Variants in BTRC observed in about 807,000 individuals in gnomAD.
The protein encoded by BTRC is beta-transducin repeat containing E3 ubiquitin protein ligase.
BTRC carries 42 observed loss-of-function variants against 85.5 expected under a neutral mutation model. The observed-to-expected ratio is 0.49, with a 90% CI of 0.38 to 0.64. The LOEUF (loss-of-function observed/expected upper bound fraction) is 0.64. Ranked by LOEUF, BTRC falls within the 30% of genes least tolerant of loss-of-function variation. BTRC has a pLI of 0.00. For synonymous variants in BTRC, 255 were observed against 263.3 expected (o/e 0.97, Z 0.30); for missense variants, 594 against 743.5 (o/e 0.80, Z 2.34).
At chr10:101,366,983 T>TA (rs1942457427) in intron 1 of BTRC, among the ~76,000 whole-genome samples, 2 of 70,960 alleles carry the variant, frequency 2.8e-5, no homozygotes, top group Non-Finnish European at 5.3e-5. Flanking sequence ...TATTTATATA[T>TA]TTATATATAT....
chr10:101,556,828 T>C lies in BTRC; in HGVS notation c.*3705T>C, dbSNP rs1183316052. ...CTGGAGGCAGATGACATCTAAAATA[T>C]GTGCTTTCCAACCAGCACAGCTGGC... On this transcript the variant is annotated 3_prime_UTR_variant, in exon 15 of 15. Transcript: ENST00000370187. 4 of 152,268 alleles carry C rather than the reference T, an allele frequency of 2.6e-5. No individual in the cohort carries two copies. Among genetic ancestry groups the C allele is most frequent in the Non-Finnish European group, 4.4e-5 (3 of 68,058 alleles). The allele number at this position is 152,268 out of a possible 1,614,324, so 9.4% of individuals were successfully genotyped here.
At chr10:101,378,261 GT>G (rs891944647) in intron 1 of BTRC, among the ~76,000 whole-genome samples, 8 of 151,588 alleles carry the variant, frequency 5.3e-5, no homozygotes, top group South Asian at 2.1e-4. Context: ...AATGTTTAGT[GT>G]TTTTTTTGAG....
In BTRC at chr10:101,521,033, C is replaced by T. The variant is rs75039562; in HGVS notation, c.325-606C>T. Among the ~76,000 whole-genome samples the T allele has an allele frequency of 9.9e-5, 15 of 151,870 alleles. No individual in the cohort carries two copies. In the East Asian group the frequency reaches 2.9e-3, roughly 30 times the overall value. On this transcript the variant is annotated intron_variant, in intron 4 of 14. Transcript: ENST00000370187. ...TGTTAATCCCAGCACTTTGGAAAGCCAAGGCAGGAAAATTGCTTGAAGCCA... is the reference window on the plus strand; with the variant it reads ...TGTTAATCCCAGCACTTTGGAAAGCTAAGGCAGGAAAATTGCTTGAAGCCA...
intron 1 of BTRC, among the ~76,000 whole-genome samples, chr10:101,374,707 C>T (rs1942740809): frequency 6.7e-6 from 1 of 149,594 alleles, no homozygotes; most frequent in South Asian, 2.1e-4. Flanking sequence ...GGGTGCAGTG[C>T]ACCAGCATGG....
chr10:101,441,690 G>A (rs966605870), intron 2 of BTRC, among the ~76,000 whole-genome samples: 3 of 151,974 alleles, frequency 2.0e-5, no homozygotes, highest in Non-Finnish European at 4.4e-5. Flanking sequence ...GACCAGCCTG[G>A]GTAGCATGGT....
Position 101,354,217 on chromosome 10 carries a change from C to A in BTRC, c.37C>A (p.Leu13Ile), listed in dbSNP as rs1408160078. The A allele has an allele frequency of 2.6e-6, 4 of 1,549,082 alleles. No individual in the cohort carries two copies. In the Admixed American group the frequency reaches 7.8e-5, roughly 30 times the overall value. Residue 13 changes from leucine (L) to isoleucine (I), a missense_variant, in exon 1 of 15, where the codon CTC (leucine) becomes ATC (isoleucine). By Grantham distance (5) the Leu-to-Ile change is conservative. This residue lies in a region of BTRC where 163 missense variants were observed against 180.5 expected (regional missense o/e 0.90). Transcript: ENST00000370187. ...PAEAVLQEKA[L>I]KFMCSMPRSL... ...CGAGGCGGTGCTGCAAGAGAAGGCA[C>A]TCAAGTTTATGGTGAGGAGACGGTG...
chr10:101,543,257 CATT>C (rs1239980740), intron 13 of BTRC, among the ~76,000 whole-genome samples: 1 of 152,170 alleles, frequency 6.6e-6, no homozygotes, highest in Non-Finnish European at 1.5e-5. Context: ...GACTTTTTAA[CATT>C]ATGAAATGTC....
At chr10:101,398,957 GT>G (rs1003612592) in intron 1 of BTRC, among the ~76,000 whole-genome samples, 2 of 151,592 alleles carry the variant, frequency 1.3e-5, no homozygotes, top group African/African-American at 2.4e-5. Flanking sequence ...AACCTTTTTT[GT>G]TTTTTTTCTT....
At chr10:101,479,160 C>T (rs1005456235) in intron 3 of BTRC, among the ~76,000 whole-genome samples, 2 of 152,168 alleles carry the variant, frequency 1.3e-5, no homozygotes, top group African/African-American at 4.8e-5. Flanking sequence ...CTGCTGCTTA[C>T]ATACTTGTTC....
intron 5 of BTRC, among the ~76,000 whole-genome samples, chr10:101,525,220 G>T (rs2062172603): frequency 6.6e-6 from 1 of 152,062 alleles, no homozygotes; most frequent in South Asian, 2.1e-4. Context: ...TAATTGGGAA[G>T]CCCTTCTGGT....
In BTRC at chr10:101,438,381, C is replaced by T. The variant is rs188964730; in HGVS notation, c.156+7929C>T. On this transcript the variant is annotated intron_variant, in intron 2 of 14. Coordinates refer to ENST00000370187, the MANE Select transcript of BTRC (RefSeq NM_033637.4). ...CAGAGCTTGCAGTGAGCCGAGATCGCGCCACTACACTCCAGCCTGGGCGAC... is the reference window on the plus strand; with the variant it reads ...CAGAGCTTGCAGTGAGCCGAGATCGTGCCACTACACTCCAGCCTGGGCGAC... Among the ~76,000 whole-genome samples, 645 of 135,444 alleles carry T rather than the reference C, an allele frequency of 4.8e-3. 6 individuals are homozygous for T. The highest frequency in any genetic ancestry group is 0.016 in the African/African-American group (591 of 36,246). The allele number at this position is 135,444 out of a possible 152,430, so 88.9% of individuals were successfully genotyped here.
intron 4 of BTRC, among the ~76,000 whole-genome samples, chr10:101,510,627 C>G (rs1193729485): frequency 2.0e-5 from 3 of 152,086 alleles, no homozygotes; most frequent in African/African-American, 7.2e-5. Context: ...CCTCAAAATC[C>G]TTGTAAGTTT....
intron 2 of BTRC, among the ~76,000 whole-genome samples, chr10:101,436,096 G>A (rs1427164332): frequency 6.6e-6 from 1 of 152,030 alleles, no homozygotes; most frequent in Admixed American, 6.6e-5. Context: ...TTTAGTTTGA[G>A]GATATTTTTA....
chr10:101,404,010 A>ATG (rs1943553019), intron 1 of BTRC, among the ~76,000 whole-genome samples: 1 of 50,146 alleles, frequency 2.0e-5, no homozygotes, highest in Non-Finnish European at 3.2e-5. Flanking sequence ...GTGTATATAT[A>ATG]TATATATATA....
At chr10:101,401,853 A>G (rs947799903) in intron 1 of BTRC, among the ~76,000 whole-genome samples, 1 of 151,524 alleles carries the variant, frequency 6.6e-6, no homozygotes, top group African/African-American at 2.4e-5. Flanking sequence ...AAAAAAAAAA[A>G]AGAAAAAGAA....
At chr10:101,540,367 T>A (rs902134192) in intron 13 of BTRC, among the ~76,000 whole-genome samples, 1 of 152,222 alleles carries the variant, frequency 6.6e-6, no homozygotes, top group Non-Finnish European at 1.5e-5. Context: ...TCCAGCACCA[T>A]TTATTCAAAA....
At chr10:101,533,179 A>AAT in intron 9 of BTRC, 109 bp downstream of exon 9, 1 of 692,910 alleles carries the variant, frequency 1.4e-6, no homozygotes, top group Non-Finnish European at 2.4e-6. Flanking sequence ...ACTAAAGAAG[A>AAT]ATAAACCACC....
chr10:101,360,377 T>A (rs951548013), intron 1 of BTRC, among the ~76,000 whole-genome samples: 174 of 146,404 alleles, frequency 1.2e-3, no homozygotes, highest in African/African-American at 4.2e-3. Flanking sequence ...CTGCTTTTTT[T>A]TTTTTTTTTT....
At chr10:101,531,550 G>T (rs2062281186) in intron 7 of BTRC, among the ~76,000 whole-genome samples, 1 of 151,760 alleles carries the variant, frequency 6.6e-6, no homozygotes. Context: ...TGAGACCCCT[G>T]TCTCTACTAA....
Sources: gnomAD v4.1 joint callset for allele counts (sites outside exome capture counted in the v4.1 genomes callset) on GRCh38, gnomAD v4.1.1 for gene constraint, gnomAD v4.1.1 regional missense constraint, MANE v1.5 for transcripts, NCBI Gene and HGNC (gene_info 2026-07-23, HGNC 2026-07-21) for gene names.